Variants in ZDHHC21 observed in about 807,000 individuals in gnomAD.
ZDHHC21 encodes palmitoyltransferase ZDHHC21.
A neutral mutation model predicts 34.6 loss-of-function variants in ZDHHC21; 15 were observed. The observed-to-expected ratio is 0.43, with a 90% CI of 0.29 to 0.67. The LOEUF (loss-of-function observed/expected upper bound fraction) is 0.67. Among genes scored for constraint, ZDHHC21 ranks in the 30% least tolerant of loss-of-function variants. The probability of loss-of-function intolerance (pLI) is 0.14; values close to 1 mark genes in which losing one functional copy is unlikely to be tolerated. For missense variants in ZDHHC21, 344 were observed against 327.7 expected (o/e 1.05, Z -0.38); for synonymous variants, 142 against 101.8 (o/e 1.40, Z -2.38).
intron 8 of ZDHHC21, among the ~76,000 whole-genome samples, chr9:14,624,100 A>T (rs920950231): frequency 2.0e-5 from 3 of 152,080 alleles, no homozygotes; most frequent in South Asian, 2.1e-4. Context: ...AAAACTATTT[A>T]AAAAAATAAA....
intron 8 of ZDHHC21, among the ~76,000 whole-genome samples, chr9:14,624,647 T>C (rs1015200563): frequency 1.3e-5 from 2 of 151,202 alleles, no homozygotes; most frequent in African/African-American, 2.4e-5. Flanking sequence ...CTGGGGAGGG[T>C]AGAAAGAAGT....
rs776420601 is a variant in ZDHHC21 at position 14,672,917 on chromosome 9, T to C, written c.166A>G (p.Ile56Val). 9 of 1,581,566 alleles carry C rather than the reference T, an allele frequency of 5.7e-6. No homozygotes were observed. The highest frequency in any genetic ancestry group is 1.7e-5 in the Admixed American group (1 of 58,678). ...AAGGCAACCAGACAGAATATGGAAA[T>C]GCCATAGAATACTTTAAAATAAATA... The part of the protein sequence containing the change: ...PGILIIIFYG[I>V]SIFCLVALVR... The change falls in exon 5 of 10, where the codon ATT becomes GTT. Residue 56 changes from isoleucine (I) to valine (V), a missense_variant. Coordinates refer to ENST00000380916, the MANE Select transcript of ZDHHC21 (RefSeq NM_178566.6).
At chr9:14,604,715 CAT>C in the ZDHHC21 span, among the ~76,000 whole-genome samples, 13 of 152,274 alleles carry the variant, frequency 8.5e-5, no homozygotes, top group South Asian at 2.1e-3. Context: ...GCAAAAAGCA[CAT>C]GAGATCAATC....
At chr9:14,607,044 C>T (rs1028983120), downstream of ZDHHC21, among the ~76,000 whole-genome samples, 3 of 147,542 alleles carry the variant, frequency 2.0e-5, no homozygotes, top group Non-Finnish European at 4.4e-5. Context: ...ACAAATATTT[C>T]TGCACAAGAC....
chr9:14,654,018 C>A (rs1831734872), intron 7 of ZDHHC21, among the ~76,000 whole-genome samples: 1 of 151,976 alleles, frequency 6.6e-6, no homozygotes. Context: ...ATATTCTGCA[C>A]TGCTTTTTAT....
chr9:14,591,769 G>C, the ZDHHC21 span, among the ~76,000 whole-genome samples: 2 of 152,110 alleles, frequency 1.3e-5, no homozygotes, highest in South Asian at 2.1e-4. Flanking sequence ...AAAAGTTACT[G>C]ATATAAAATT....
At chr9:14,668,708 A>C (rs560792049) in intron 5 of ZDHHC21, among the ~76,000 whole-genome samples, 1 of 141,350 alleles carries the variant, frequency 7.1e-6, no homozygotes, top group East Asian at 2.1e-4. Context: ...CATAACTACA[A>C]CTATCTGATC....
the ZDHHC21 span, among the ~76,000 whole-genome samples, chr9:14,603,188 T>C: frequency 1.3e-5 from 2 of 152,060 alleles, no homozygotes; most frequent in Admixed American, 1.3e-4. Context: ...TTTTGTTGTG[T>C]TTAAACTATC....
chr9:14,609,487 C>G (rs1443439765), downstream of ZDHHC21, among the ~76,000 whole-genome samples: 1 of 151,942 alleles, frequency 6.6e-6, no homozygotes, highest in Non-Finnish European at 1.5e-5. Flanking sequence ...TATGTGGTTG[C>G]CAATAAAAAA....
downstream of ZDHHC21, among the ~76,000 whole-genome samples, chr9:14,609,224 T>G (rs1363026676): frequency 1.3e-5 from 2 of 152,156 alleles, no homozygotes; most frequent in Non-Finnish European, 2.9e-5. Context: ...ACATTTTAAA[T>G]ATTGTTTGAC....
intron 8 of ZDHHC21, among the ~76,000 whole-genome samples, chr9:14,626,081 A>C (rs1826156712): frequency 6.6e-6 from 1 of 152,028 alleles, no homozygotes; most frequent in Non-Finnish European, 1.5e-5. Flanking sequence ...ACTGTTTATA[A>C]TCAAAACTCA....
At chr9:14,659,586 C>G (rs925012920) in intron 6 of ZDHHC21, among the ~76,000 whole-genome samples, 1 of 152,096 alleles carries the variant, frequency 6.6e-6, no homozygotes, top group African/African-American at 2.4e-5. Flanking sequence ...TCCTAAAATT[C>G]CAGCAAAAAA....
chr9:14,600,386 T>C, the ZDHHC21 span, among the ~76,000 whole-genome samples: 1 of 152,150 alleles, frequency 6.6e-6, no homozygotes, highest in Admixed American at 6.5e-5. Flanking sequence ...AAATCATGCA[T>C]GAACTCCCAT....
chr9:14,631,408 T>TTA (rs1827318524), intron 8 of ZDHHC21, among the ~76,000 whole-genome samples: 1 of 152,216 alleles, frequency 6.6e-6, no homozygotes, highest in Non-Finnish European at 1.5e-5. Flanking sequence ...AATGGAATGT[T>TTA]GTGGCTTGTG....
chr9:14,591,782 A>G, the ZDHHC21 span, among the ~76,000 whole-genome samples: 1 of 152,190 alleles, frequency 6.6e-6, no homozygotes, highest in Non-Finnish European at 1.5e-5. Flanking sequence ...ATAAAATTAT[A>G]ACCTTTCAGT....
chr9:14,686,520 G>A (rs1490374003), intron 2 of ZDHHC21, among the ~76,000 whole-genome samples: 2 of 152,150 alleles, frequency 1.3e-5, no homozygotes, highest in African/African-American at 4.8e-5. Flanking sequence ...ATACATTTGT[G>A]GGGGGCACAG....
intron 1 of ZDHHC21, among the ~76,000 whole-genome samples, chr9:14,692,164 T>A (rs1839254153): frequency 6.6e-6 from 1 of 152,230 alleles, no homozygotes; most frequent in Non-Finnish European, 1.5e-5. Flanking sequence ...CTCCGAATTT[T>A]ACCTTTAAAA....
rs1348275149 is a variant in ZDHHC21, at chr9:14,616,572, G to A, written c.*2394C>T. On this transcript the variant is annotated 3_prime_UTR_variant, in exon 10 of 10. Coordinates refer to ENST00000380916, the MANE Select transcript of ZDHHC21 (RefSeq NM_178566.6). ...ATAATTACATCAATTAGCCAAAAGAGGGCGCAGAAACAACACCAGTAGATA... is the reference window on the plus strand; with the variant it reads ...ATAATTACATCAATTAGCCAAAAGAAGGCGCAGAAACAACACCAGTAGATA... The A allele has an allele frequency of 6.6e-6, 1 of 151,728 alleles. No homozygotes were observed. The highest frequency in any genetic ancestry group is 2.1e-4 in the South Asian group (1 of 4,822). The allele number at this position is 151,728 out of a possible 1,614,324, so 9.4% of individuals were successfully genotyped here. A position where few individuals can be genotyped will look rare whatever the true frequency, so the allele number is the denominator to read the frequency against.
rs940517252 is a variant in ZDHHC21 at position 14,615,495 on chromosome 9, T to C, written c.*3471A>G. The C allele has an allele frequency of 6.6e-6, 1 of 151,792 alleles. No individual in the cohort carries two copies. Among genetic ancestry groups the C allele is most frequent in the Non-Finnish European group, 1.5e-5 (1 of 67,744 alleles). 9.4% of individuals were successfully genotyped at this position (151,792 alleles called of 1,614,324 possible). ...TGTTAACTACAATTTAAAACAGCTA[T>C]TTCTAATGTTAAGCACAAATATTTG... On this transcript the variant is annotated 3_prime_UTR_variant, in exon 10 of 10. Coordinates refer to ENST00000380916, the MANE Select transcript of ZDHHC21 (RefSeq NM_178566.6).
Sources: gnomAD v4.1 joint callset for allele counts (sites outside exome capture counted in the v4.1 genomes callset) on GRCh38, gnomAD v4.1.1 for gene constraint, MANE v1.5 for transcripts, NCBI Gene and HGNC (gene_info 2026-07-23, HGNC 2026-07-21) for gene names.